Variants in BNIP3L observed in about 807,000 individuals in gnomAD.
BNIP3L encodes BCL2 interacting protein 3 like, also known as BCL2/adenovirus E1B 19 kDa protein-interacting protein 3-like.
In BNIP3L, 10 loss-of-function variants were observed where a neutral mutation model predicts 25.5. That is an observed-to-expected ratio of 0.39 (90% CI 0.24 to 0.67). BNIP3L has a LOEUF of 0.67. Among genes scored for constraint, BNIP3L ranks in the 30% least tolerant of loss-of-function variants. The pLI is 0.45. For missense variants in BNIP3L, 215 were observed against 270.9 expected (o/e 0.79, Z 1.45); for synonymous variants, 113 against 101.2 (o/e 1.12, Z -0.70).
intron 3 of BNIP3L, among the ~76,000 whole-genome samples, chr8:26,400,794 A>C (rs1806352254): frequency 1.2e-5 from 1 of 84,020 alleles, no homozygotes; most frequent in Non-Finnish European, 2.5e-5. Context: ...ACAGTTATGC[A>C]GCCAAAAAAC....
intron 1 of BNIP3L, among the ~76,000 whole-genome samples, chr8:26,384,309 G>A (rs899989037): frequency 6.6e-6 from 1 of 152,194 alleles, no homozygotes; most frequent in Non-Finnish European, 1.5e-5. Flanking sequence ...AGTGTGGCCT[G>A]AAGATTATTT....
intron 3 of BNIP3L, among the ~76,000 whole-genome samples, chr8:26,406,055 GAATA>G (rs1806494078): frequency 6.6e-6 from 1 of 151,472 alleles, no homozygotes; most frequent in Non-Finnish European, 1.5e-5. Context: ...AAAGAAAACT[GAATA>G]AATAATACTG....
chr8:26,403,710 A>AT (rs1349247638), intron 3 of BNIP3L, among the ~76,000 whole-genome samples: 79 of 146,218 alleles, frequency 5.4e-4, no homozygotes, highest in South Asian at 4.8e-3. Flanking sequence ...CTACTTTTTT[A>AT]TTTTTTTTTT....
intron 1 of BNIP3L, among the ~76,000 whole-genome samples, chr8:26,384,565 T>C (rs1805943988): frequency 6.6e-6 from 1 of 152,234 alleles, no homozygotes; most frequent in Middle Eastern, 3.4e-3. Context: ...CATACTGTCT[T>C]AGATTTTAGA....
intron 3 of BNIP3L, 70 bp from the exon 4 acceptor site, chr8:26,407,930 C>G (rs570862981): frequency 1.5e-6 from 2 of 1,360,668 alleles, no homozygotes; most frequent in East Asian, 4.8e-5. Context: ...TCTTTTCTGT[C>G]TAGATTTTTC....
At position 26,395,252 on chromosome 8, in the gene BNIP3L, C is replaced by T; in HGVS notation, c.307C>T (p.Gln103Ter). ...CDSPSPQEDGQIMFDVEMHTS... is the reference protein window; with the variant it reads ...CDSPSPQEDG ...TAGCCCTTCGCCACAAGAAGATGGG[C>T]AGATCATGTTTGATGTGGAAATGCA... is the stretch of plus-strand genomic sequence containing the variant. The change falls in exon 3 of 6, where the codon CAG (glutamine) becomes TAG (stop). Residue 103 changes from glutamine to a stop codon, truncating the protein, a stop_gained. Transcript: ENST00000380629. LOFTEE classifies it high-confidence loss of function. The T allele has an allele frequency of 6.2e-7, 1 of 1,614,034 alleles. No individual in the cohort carries two copies. The highest frequency in any genetic ancestry group is 8.5e-7 in the Non-Finnish European group (1 of 1,179,978).
At chr8:26,402,243 A>C (rs1806400318) in intron 3 of BNIP3L, among the ~76,000 whole-genome samples, 1 of 152,204 alleles carries the variant, frequency 6.6e-6, no homozygotes, top group South Asian at 2.1e-4. Flanking sequence ...TTTATACTGT[A>C]GAGAAGCTCA....
intron 1 of BNIP3L, among the ~76,000 whole-genome samples, chr8:26,389,525 G>A (rs754592345): frequency 7.9e-5 from 12 of 152,146 alleles, no homozygotes; most frequent in Admixed American, 5.2e-4. Flanking sequence ...CAACTGTGTC[G>A]TTTGGCAGCA....
intron 2 of BNIP3L, 69 bp from the exon 3 acceptor site, chr8:26,395,161 T>G (rs1806205835): frequency 2.0e-6 from 3 of 1,525,342 alleles, no homozygotes; most frequent in Non-Finnish European, 2.7e-6. Context: ...ATTTTCTAAT[T>G]TCTAGTAGAG....
chr8:26,384,015 T>G (rs1328888836), intron 1 of BNIP3L, among the ~76,000 whole-genome samples: 1 of 151,912 alleles, frequency 6.6e-6, no homozygotes, highest in Non-Finnish European at 1.5e-5. Flanking sequence ...GAAACGGAAT[T>G]AAAAACGCAC....
At chr8:26,385,774 C>T (rs945196603) in intron 1 of BNIP3L, among the ~76,000 whole-genome samples, 1 of 152,130 alleles carries the variant, frequency 6.6e-6, no homozygotes, top group Non-Finnish European at 1.5e-5. Context: ...CAAAATGTTG[C>T]TTTGGGACAT....
intron 3 of BNIP3L, among the ~76,000 whole-genome samples, chr8:26,406,834 T>G (rs1487226703): frequency 6.6e-6 from 1 of 151,814 alleles, no homozygotes; most frequent in Non-Finnish European, 1.5e-5. Flanking sequence ...AAAAAATGCA[T>G]GTAACATGCT....
At chr8:26,410,328 A>C (rs761468956) in intron 5 of BNIP3L, 36 bp from the exon 6 acceptor site, 2 of 1,613,400 alleles carry the variant, frequency 1.2e-6, no homozygotes, top group South Asian at 2.2e-5. Flanking sequence ...AGAACTGTTG[A>C]AACAGGTGAA....
At chr8:26,389,857 G>A (rs1025325467) in intron 1 of BNIP3L, among the ~76,000 whole-genome samples, 5 of 152,228 alleles carry the variant, frequency 3.3e-5, no homozygotes, top group South Asian at 2.1e-4. Context: ...TGTAGCCATC[G>A]CCACATTTAG....
chr8:26,383,309 G>A, intron 1 of BNIP3L, 79 bp downstream of exon 1: 2 of 1,536,848 alleles, frequency 1.3e-6, no homozygotes, highest in Non-Finnish European at 1.8e-6. Context: ...CGCGGCGCGG[G>A]AGGCGGGAGG....
In BNIP3L at chr8:26,410,358, T is replaced by TATA; in HGVS notation, c.612-6_612-5insATA. The TATA allele has an allele frequency of 6.2e-7, 1 of 1,614,108 alleles. No individual in the cohort carries two copies. Among genetic ancestry groups the TATA allele is most frequent in the Non-Finnish European group, 8.5e-7 (1 of 1,179,966 alleles). The stretch of plus-strand genomic sequence containing the variant: ...GGTGAAACATGATGCTTCTGCTTCC[T>TATA]TTCAGCATCTATATTGGAAAGCGAC... On this transcript the variant is annotated splice_region_variant and splice_polypyrimidine_tract_variant and intron_variant, in intron 5 of 5. Transcript: ENST00000380629.
intron 3 of BNIP3L, among the ~76,000 whole-genome samples, chr8:26,398,696 G>T (rs1806302759): frequency 6.9e-6 from 1 of 144,770 alleles, no homozygotes; most frequent in Non-Finnish European, 1.5e-5. Flanking sequence ...CTGGTTTTTT[G>T]AAAGGATCAA....
At chr8:26,393,208 G>A (rs1806153187) in intron 2 of BNIP3L, among the ~76,000 whole-genome samples, 1 of 151,804 alleles carries the variant, frequency 6.6e-6, no homozygotes, top group Non-Finnish European at 1.5e-5. Flanking sequence ...TAATTGGAAA[G>A]TGTTTCTTGT....
intron 1 of BNIP3L, 63 bp from the exon 2 acceptor site, chr8:26,391,180 C>G: frequency 7.2e-7 from 1 of 1,394,886 alleles, no homozygotes; most frequent in Non-Finnish European, 9.7e-7. Flanking sequence ...ACCATGTTCA[C>G]ATCTGTGTGC....
Sources: allele counts gnomAD v4.1 joint callset (sites outside exome capture counted in the v4.1 genomes callset), GRCh38; gene constraint gnomAD v4.1.1; transcripts MANE v1.5; gene names NCBI Gene and HGNC (gene_info 2026-07-23, HGNC 2026-07-21).